Variants in OXR1 observed in about 807,000 individuals in gnomAD.
OXR1 encodes oxidation resistance 1.
Under a neutral mutation model 104.6 loss-of-function variants are expected in OXR1, and 41 were observed. The ratio of observed to expected loss-of-function variants is 0.39; its 90% CI spans 0.31 to 0.51. The LOEUF (loss-of-function observed/expected upper bound fraction) is 0.51. OXR1 is among the 20% of genes least tolerant of loss of function. The pLI, the probability that OXR1 is intolerant of heterozygous loss-of-function variation, is 0.77. For missense variants in OXR1, 955 were observed against 1,031.9 expected, an observed-to-expected ratio of 0.93 and a Z score of 1.02; for synonymous variants, 348 against 348.4, an observed-to-expected ratio of 1.00 and a Z score of 0.01.
At chr8:106,542,272 T>C (rs1815012533) in intron 3 of OXR1, among the ~76,000 whole-genome samples, 1 of 152,108 alleles carries the variant, frequency 6.6e-6, no homozygotes, top group African/African-American at 2.4e-5. Context: ...CTAAAATGAA[T>C]CAAGTTTACA....
At chr8:106,487,286 A>G (rs909057542) in intron 2 of OXR1, among the ~76,000 whole-genome samples, 2 of 149,732 alleles carry the variant, frequency 1.3e-5, no homozygotes, top group Admixed American at 1.3e-4. Flanking sequence ...GGCCTCCCAA[A>G]GTTCTGGGAT....
intron 2 of OXR1, among the ~76,000 whole-genome samples, chr8:106,380,600 G>A (rs897641248): frequency 6.6e-6 from 1 of 152,162 alleles, no homozygotes; most frequent in African/African-American, 2.4e-5. Flanking sequence ...GTGTTTGGGT[G>A]TTTCTGTTTC....
intron 1 of OXR1, among the ~76,000 whole-genome samples, chr8:106,294,412 A>AAAAAGAAAG (rs71307051): frequency 9.9e-5 from 13 of 131,406 alleles, no homozygotes; most frequent in Non-Finnish European, 4.7e-5. Context: ...AAAAAAAAAA[A>AAAAAGAAAG]AAAGAAAGAA....
intron 3 of OXR1, among the ~76,000 whole-genome samples, chr8:106,667,832 C>T (rs1407238147): frequency 6.6e-6 from 1 of 151,948 alleles, no homozygotes; most frequent in East Asian, 1.9e-4. Flanking sequence ...AAGTAATGTA[C>T]ATCACTTCTA....
chr8:106,369,123 G>A (rs577800473), intron 2 of OXR1, among the ~76,000 whole-genome samples: 61 of 152,224 alleles, frequency 4.0e-4, no homozygotes, highest in Non-Finnish European at 1.5e-4. Flanking sequence ...ATCTCACTGT[G>A]GTTTTGATTT....
chr8:106,410,877 A>G (rs1186424674), intron 2 of OXR1, among the ~76,000 whole-genome samples: 2 of 152,168 alleles, frequency 1.3e-5, no homozygotes, highest in African/African-American at 4.8e-5. Context: ...CTATGGTTTT[A>G]TATGTGTTCC....
intron 1 of OXR1, among the ~76,000 whole-genome samples, chr8:106,299,252 T>A (rs929406369): frequency 6.6e-6 from 1 of 151,846 alleles, no homozygotes; most frequent in South Asian, 2.1e-4. Flanking sequence ...GATAAGAACA[T>A]GGCAGACCTC....
intron 3 of OXR1, chr8:106,657,392 A>G (rs1825196442): frequency 6.6e-6 from 1 of 151,560 alleles, no homozygotes; most frequent in East Asian, 1.9e-4. Context: ...CCCCAAGCCA[A>G]CACACACCCT....
intron 1 of OXR1, among the ~76,000 whole-genome samples, chr8:106,294,322 G>T (rs1306527959): frequency 1.3e-5 from 2 of 149,928 alleles, no homozygotes; most frequent in Admixed American, 6.7e-5. Flanking sequence ...ACGTGAACTT[G>T]GGAGGCAGAG....
Position 106,652,387 on chromosome 8 carries a change from A to G in OXR1, c.221-26823A>G, listed in dbSNP as rs1481552556. 2.6e-5 allele frequency among the ~76,000 whole-genome samples: 4 copies of G among 152,114 alleles called. No homozygotes were observed. In the East Asian group the frequency reaches 5.8e-4, roughly 22 times the overall value. The stretch of plus-strand genomic sequence containing the variant: ...ATAAACTAGGCCATAAAAAAACTCA[A>G]TGATTTTGAAAGGATGGGGGAATTG... On this transcript the variant is annotated intron_variant, in intron 3 of 16. Transcript: ENST00000517566.
chr8:106,638,016 C>T (rs1322690832), intron 3 of OXR1, among the ~76,000 whole-genome samples: 1 of 152,040 alleles, frequency 6.6e-6, no homozygotes, highest in Non-Finnish European at 1.5e-5. Flanking sequence ...CCACCCGCCT[C>T]GGCCTCCCAA....
At chr8:106,397,494 T>C (rs1316887317) in intron 2 of OXR1, among the ~76,000 whole-genome samples, 1 of 152,102 alleles carries the variant, frequency 6.6e-6, no homozygotes, top group Non-Finnish European at 1.5e-5. Context: ...TCTGAAGAGA[T>C]TTTTTTCTAA....
At chr8:106,510,260 T>A (rs563668219) in intron 2 of OXR1, among the ~76,000 whole-genome samples, 1 of 152,240 alleles carries the variant, frequency 6.6e-6, no homozygotes, top group Non-Finnish European at 1.5e-5. Context: ...TTCAACAATT[T>A]ATTTCCTAAG....
At chr8:106,723,343 A>T (rs1025858138) in intron 11 of OXR1, among the ~76,000 whole-genome samples, 4 of 151,936 alleles carry the variant, frequency 2.6e-5, no homozygotes, top group African/African-American at 9.7e-5. Flanking sequence ...TATAAAATAA[A>T]ATACAATAGC....
rs543055387 is a variant in OXR1 at position 106,673,095 on chromosome 8, G to A, written c.221-6115G>A. ...GGAACTGGGTAACAGGCAGAGGTTG[G>A]AACAGTTTGGAGGGCTCAGAAGAAG... On this transcript the variant is annotated intron_variant, in intron 3 of 16. Coordinates refer to ENST00000517566, the MANE Select transcript of OXR1 (RefSeq NM_001198533.2). Among the ~76,000 whole-genome samples the A allele has an allele frequency of 5.2e-3, 792 of 152,276 alleles. 6 individuals are homozygous for A. The highest frequency in any genetic ancestry group is 8.5e-3 in the Admixed American group (130 of 15,294).
chr8:106,468,361 T>A (rs1456287943), intron 2 of OXR1, among the ~76,000 whole-genome samples: 2 of 151,836 alleles, frequency 1.3e-5, no homozygotes, highest in East Asian at 3.9e-4. Flanking sequence ...GTGCCAACAT[T>A]TGAGCGAGTA....
chr8:106,416,568 C>G (rs867845890), intron 2 of OXR1, among the ~76,000 whole-genome samples: 4 of 151,842 alleles, frequency 2.6e-5, no homozygotes, highest in Non-Finnish European at 5.9e-5. Flanking sequence ...ATAGTACTTT[C>G]TTTTAAAATT....
At chr8:106,723,515 T>A (rs867057913) in intron 11 of OXR1, among the ~76,000 whole-genome samples, 3,121 of 99,242 alleles carry the variant, frequency 0.031, 45 homozygotes, top group East Asian at 0.045. Context: ...AAAAAAAAAA[T>A]ACAAAAATTA....
At chr8:106,637,760 AC>A in intron 3 of OXR1, among the ~76,000 whole-genome samples, 1 of 126,836 alleles carries the variant, frequency 7.9e-6, no homozygotes, top group South Asian at 2.5e-4. Context: ...CATAGTTTCG[AC>A]TTTTTTTTTT....
Sources: allele counts gnomAD v4.1 joint callset (sites outside exome capture counted in the v4.1 genomes callset), GRCh38; gene constraint gnomAD v4.1.1; transcripts MANE v1.5; gene names NCBI Gene and HGNC (gene_info 2026-07-23, HGNC 2026-07-21).